Variants in DMXL2 observed in about 807,000 individuals in gnomAD.
The protein encoded by DMXL2 is Dmx like 2, also known as dmX-like protein 2.
DMXL2 carries 103 observed loss-of-function variants against 331.1 expected under a neutral mutation model. The observed-to-expected ratio is 0.31, with a 90% CI of 0.27 to 0.37. The LOEUF (loss-of-function observed/expected upper bound fraction) is 0.37. DMXL2 is among the 10% of genes least tolerant of loss of function. The pLI, the probability that DMXL2 is intolerant of heterozygous loss-of-function variation, is 1.00. For synonymous variants in DMXL2, 1,281 were observed against 1,252.1 expected (o/e 1.02, Z -0.49); for missense variants, 3,171 against 3,642.9 (o/e 0.87, Z 3.33).
chr15:51,456,229 T>TA, intron 38 of DMXL2, 36 bp from the exon 39 acceptor site: 1 of 1,604,440 alleles, frequency 6.2e-7, no homozygotes, highest in Non-Finnish European at 8.5e-7. Context: ...AATAAGAAAT[T>TA]AAAGAGTTCC....
At chr15:51,554,569 C>G (rs780009905) in intron 6 of DMXL2, among the ~76,000 whole-genome samples, 46 of 152,322 alleles carry the variant, frequency 3.0e-4, no homozygotes, top group Middle Eastern at 3.4e-3. Context: ...TCACGTGTCT[C>G]TACATTTCTA....
intron 14 of DMXL2, among the ~76,000 whole-genome samples, chr15:51,515,552 GACAA>G (rs535530689): frequency 9.2e-5 from 14 of 152,028 alleles, no homozygotes; most frequent in Non-Finnish European, 2.1e-4. Flanking sequence ...TTCCCCAAGG[GACAA>G]ACAATAGATG....
At chr15:51,619,844 C>T (rs1449039326) in intron 1 of DMXL2, among the ~76,000 whole-genome samples, 1 of 152,106 alleles carries the variant, frequency 6.6e-6, no homozygotes, top group Non-Finnish European at 1.5e-5. Flanking sequence ...ACCCACACAC[C>T]CTCTCCAGAG....
At chr15:51,547,915 C>T (rs772600685) in intron 6 of DMXL2, among the ~76,000 whole-genome samples, 4 of 151,832 alleles carry the variant, frequency 2.6e-5, no homozygotes, top group Non-Finnish European at 5.9e-5. Context: ...TTGTGGGCTA[C>T]ACAGGTCTAT....
intron 1 of DMXL2, among the ~76,000 whole-genome samples, chr15:51,590,485 A>G (rs183233224): frequency 1.1e-4 from 16 of 152,302 alleles, no homozygotes; most frequent in Admixed American, 7.8e-4. Flanking sequence ...CTCTTGGAAG[A>G]TTTGTCTACT....
At chr15:51,511,508 T>G (rs1408773398) in intron 15 of DMXL2, among the ~76,000 whole-genome samples, 2 of 152,152 alleles carry the variant, frequency 1.3e-5, no homozygotes, top group African/African-American at 4.8e-5. Context: ...TCATGCCAGT[T>G]AGGATGGCAA....
chr15:51,527,693 C>A (rs958328305), intron 13 of DMXL2, among the ~76,000 whole-genome samples: 7 of 151,366 alleles, frequency 4.6e-5, no homozygotes, highest in African/African-American at 1.7e-4. Flanking sequence ...CTGCACTCCA[C>A]CCTGGGTGAA....
At chr15:51,610,314 T>A (rs2053874582) in intron 1 of DMXL2, among the ~76,000 whole-genome samples, 2 of 152,110 alleles carry the variant, frequency 1.3e-5, no homozygotes, top group Non-Finnish European at 2.9e-5. Context: ...AAATGCATAT[T>A]TATAGTAGAT....
chr15:51,622,380 C>T, intron 1 of DMXL2, 79 bp downstream of exon 1: 1 of 1,530,996 alleles, frequency 6.5e-7, no homozygotes, highest in Non-Finnish European at 8.8e-7. Context: ...CCTGAGGAGG[C>T]GTGCGCCCTG....
chr15:51,500,286 A>C, intron 17 of DMXL2, 55 bp from the exon 18 acceptor site: 1 of 1,468,144 alleles, frequency 6.8e-7, no homozygotes, highest in Non-Finnish European at 9.1e-7. Context: ...CCACAAAATA[A>C]TATGGTAGTA....
At chr15:51,509,301 T>C (rs2046608565) in intron 15 of DMXL2, among the ~76,000 whole-genome samples, 1 of 150,936 alleles carries the variant, frequency 6.6e-6, no homozygotes, top group Admixed American at 6.6e-5. Context: ...ACAAAATAGA[T>C]AGACTACTTG....
At chr15:51,510,397 T>C (rs997671742) in intron 15 of DMXL2, among the ~76,000 whole-genome samples, 2 of 152,136 alleles carry the variant, frequency 1.3e-5, no homozygotes, top group Admixed American at 1.3e-4. Flanking sequence ...ATCACAAGCA[T>C]TCCTATACAC....
At chr15:51,479,848 C>A (rs2041880194) in intron 25 of DMXL2, 100 bp downstream of exon 25, 6 of 841,728 alleles carry the variant, frequency 7.1e-6, no homozygotes, top group Non-Finnish European at 8.5e-6. Flanking sequence ...AGAAAGGTAG[C>A]ACTTTGAAAT....
chr15:51,577,740 T>A (rs528942227), intron 1 of DMXL2, among the ~76,000 whole-genome samples: 12 of 152,312 alleles, frequency 7.9e-5, no homozygotes, highest in Non-Finnish European at 1.5e-4. Context: ...CAAAGTGGAT[T>A]CATGGAAAAA....
chr15:51,549,516 T>G (rs764780225), intron 6 of DMXL2, among the ~76,000 whole-genome samples: 4 of 152,188 alleles, frequency 2.6e-5, no homozygotes, highest in Non-Finnish European at 5.9e-5. Context: ...GTTCTACTGT[T>G]GTTCTTTAAG....
chr15:51,465,422 G>A (rs2040485575), intron 31 of DMXL2, 144 bp downstream of exon 31: 2 of 696,038 alleles, frequency 2.9e-6, no homozygotes, highest in Admixed American at 5.5e-5. Flanking sequence ...TCACAGATTG[G>A]AGCCTAAAAT....
Position 51,499,299 on chromosome 15 carries a change from T to C in DMXL2, c.3925A>G (p.Lys1309Glu). 6.2e-7 allele frequency: 1 copy of C among 1,613,970 alleles called. No homozygotes were observed. The highest frequency in any genetic ancestry group is 8.5e-7 in the Non-Finnish European group (1 of 1,180,032). Residue 1309 changes from lysine (K) to glutamate (E), a missense_variant, in exon 18 of 44, where the codon AAA (lysine) becomes GAA (glutamate). Physicochemically the swap from Lys to Glu is moderately conservative, Grantham distance 56 (BLOSUM62 1). Coordinates refer to ENST00000560891, the MANE Select transcript of DMXL2 (RefSeq NM_001378457.1). ...ATAGCTGTTCCTTCAACAACACTTT[T>C]TCTTGCCAGCATATTAGATTTAAAG... ...STFKSNMLAR[K>E]SVVEGTAISD...
In DMXL2 at chr15:51,480,574, C is replaced by A; in HGVS notation, c.6532G>T (p.Glu2178Ter). The change falls in exon 24 of 44, where the codon GAA becomes TAA. Residue 2178 changes from glutamate to a stop codon, truncating the protein, a stop_gained. Coordinates refer to ENST00000560891, the MANE Select transcript of DMXL2 (RefSeq NM_001378457.1). LOFTEE classifies it high-confidence loss of function. ...GATTCTTGTAGCAAAAATTTGAGTT[C>A]CATCCTTACTGAAGCCAAACCACCA... ...QGGGLASVRM[E>*]LKFLLQESQQ... is the part of the protein sequence containing the mutation. 1 of 1,537,722 alleles carries A rather than the reference C, an allele frequency of 6.5e-7. No homozygotes were observed. Among genetic ancestry groups the A allele is most frequent in the South Asian group, 1.2e-5 (1 of 80,832 alleles).
intron 20 of DMXL2, among the ~76,000 whole-genome samples, chr15:51,491,162 C>T (rs1406742932): frequency 1.3e-5 from 2 of 152,154 alleles, no homozygotes; most frequent in Non-Finnish European, 2.9e-5. Context: ...AAAGTCTCAC[C>T]AGGCATGGTG....
Sources: allele counts gnomAD v4.1 joint callset (sites outside exome capture counted in the v4.1 genomes callset), GRCh38; gene constraint gnomAD v4.1.1; transcripts MANE v1.5; gene names NCBI Gene and HGNC (gene_info 2026-07-23, HGNC 2026-07-21).